Variants in EPM2A observed in about 807,000 individuals in gnomAD.
EPM2A encodes the protein laforin.
EPM2A carries 21 observed loss-of-function variants against 26.5 expected under a neutral mutation model. That is an observed-to-expected ratio of 0.79 (90% CI 0.56 to 1.14). EPM2A has a LOEUF of 1.14. Ranked by LOEUF, EPM2A falls within the 50% of genes most tolerant of loss-of-function variation. EPM2A has a pLI of 0.00. For synonymous variants in EPM2A, 217 were observed against 177.6 expected, an observed-to-expected ratio of 1.22 and a Z score of -1.76; for missense variants, 458 against 440.8, an observed-to-expected ratio of 1.04 and a Z score of -0.35.
intron 2 of EPM2A, among the ~76,000 whole-genome samples, chr6:145,675,797 C>G (rs1380298353): frequency 6.6e-6 from 1 of 152,072 alleles, no homozygotes; most frequent in Non-Finnish European, 1.5e-5. Context: ...CCTTAGAGAC[C>G]TATAAAGAGA....
intron 4 of EPM2A, among the ~76,000 whole-genome samples, chr6:145,413,300 A>G (rs1778667123): frequency 6.6e-6 from 1 of 152,230 alleles, no homozygotes. Context: ...GCAAAGAGCA[A>G]GCCAGATTAT....
At chr6:145,672,009 T>C (rs985642339) in intron 2 of EPM2A, among the ~76,000 whole-genome samples, 1 of 152,202 alleles carries the variant, frequency 6.6e-6, no homozygotes, top group Non-Finnish European at 1.5e-5. Flanking sequence ...GTTATATGTG[T>C]CCTTTAATGC....
chr6:145,488,057 C>G (rs1244634392), intron 4 of EPM2A, among the ~76,000 whole-genome samples: 1 of 143,190 alleles, frequency 7.0e-6, no homozygotes, highest in Non-Finnish European at 1.5e-5. Flanking sequence ...TATTGCAGCA[C>G]CATTTATTGA....
chr6:145,668,143 AC>A (rs1779368827), intron 2 of EPM2A, among the ~76,000 whole-genome samples: 1 of 141,958 alleles, frequency 7.0e-6, no homozygotes, highest in Non-Finnish European at 1.6e-5. Context: ...GTGCACATGT[AC>A]CCTAAAACTT....
At chr6:145,561,691 A>G (rs78208731) in intron 2 of EPM2A, among the ~76,000 whole-genome samples, 4,388 of 152,268 alleles carry the variant, frequency 0.029, 95 homozygotes, top group Non-Finnish European at 0.044. Flanking sequence ...TGAATGCATG[A>G]ACTACTTCCC....
At chr6:145,643,121 T>G (rs1386092294) in intron 2 of EPM2A, among the ~76,000 whole-genome samples, 1 of 152,170 alleles carries the variant, frequency 6.6e-6, no homozygotes. Flanking sequence ...CAACAGAACT[T>G]GCACATTAAT....
At chr6:145,621,588 C>T (rs1403621721), downstream of EPM2A, among the ~76,000 whole-genome samples, 3 of 151,968 alleles carry the variant, frequency 2.0e-5, no homozygotes, top group Non-Finnish European at 4.4e-5. Context: ...TCTCCACACA[C>T]CCTTGCCAAC....
rs77547631 is a variant in EPM2A at position 145,523,433 on chromosome 6, T to C, written c.341-20858A>G. On this transcript the variant is annotated intron_variant, in intron 2 of 3. Transcript: ENST00000450221. ...TTTCCAACAGCATGTGCTCACTCCA[T>C]GTCTCTGTCATATCTTGACCATTCT... Among the ~76,000 whole-genome samples the C allele has an allele frequency of 2.0e-3, 305 of 152,342 alleles. 3 individuals carry two copies. The highest frequency in any genetic ancestry group is 7.1e-3 in the African/African-American group (297 of 41,588).
At chr6:145,424,189 CCTT>C (rs1165013288) in intron 4 of EPM2A, among the ~76,000 whole-genome samples, 2 of 152,094 alleles carry the variant, frequency 1.3e-5, no homozygotes, top group African/African-American at 4.8e-5. Context: ...ATCCTGGCAC[CCTT>C]CAACAACCCT....
intron 4 of EPM2A, among the ~76,000 whole-genome samples, chr6:145,395,010 G>A (rs1778386258): frequency 6.6e-6 from 1 of 152,152 alleles, no homozygotes; most frequent in South Asian, 2.1e-4. Flanking sequence ...AGGGACACAA[G>A]GTCTCTAAAG....
chr6:145,713,319 T>A (rs533997867), intron 1 of EPM2A, among the ~76,000 whole-genome samples: 1 of 152,324 alleles, frequency 6.6e-6, no homozygotes, highest in African/African-American at 2.4e-5. Flanking sequence ...GTGATTATTT[T>A]AAAAACCTGG....
chr6:145,539,577 C>T (rs1025182633), intron 2 of EPM2A, among the ~76,000 whole-genome samples: 6 of 152,128 alleles, frequency 3.9e-5, no homozygotes, highest in African/African-American at 1.4e-4. Flanking sequence ...TTTATAATTC[C>T]TTATGTCTTT....
chr6:145,711,605 A>G (rs1215310070), intron 1 of EPM2A, among the ~76,000 whole-genome samples: 1 of 152,180 alleles, frequency 6.6e-6, no homozygotes, highest in Non-Finnish European at 1.5e-5. Flanking sequence ...ATAAGAAATG[A>G]TGTCATGAAA....
At chr6:145,403,427 C>A (rs1383211510) in intron 4 of EPM2A, among the ~76,000 whole-genome samples, 2 of 150,356 alleles carry the variant, frequency 1.3e-5, no homozygotes, top group African/African-American at 2.5e-5. Flanking sequence ...TCTACACTAC[C>A]CTTCCAAGCC....
chr6:145,464,694 G>A (rs1449712131), intron 4 of EPM2A, among the ~76,000 whole-genome samples: 1 of 151,886 alleles, frequency 6.6e-6, no homozygotes, highest in Non-Finnish European at 1.5e-5. Context: ...TTTTCTCCCA[G>A]TCTGTCACTT....
chr6:145,664,710 A>AT (rs1779023724), intron 2 of EPM2A, among the ~76,000 whole-genome samples: 1 of 152,096 alleles, frequency 6.6e-6, no homozygotes, highest in South Asian at 2.1e-4. Context: ...CAGAATATAC[A>AT]TTTTTTTCAG....
At chr6:145,554,797 G>C (rs1467905361) in intron 2 of EPM2A, among the ~76,000 whole-genome samples, 2 of 151,962 alleles carry the variant, frequency 1.3e-5, no homozygotes, top group African/African-American at 2.4e-5. Context: ...ATATGTATTG[G>C]GGAACACATT....
intron 2 of EPM2A, chr6:145,684,767 C>A (rs187063934): frequency 1.3e-5 from 2 of 149,546 alleles, no homozygotes; most frequent in Admixed American, 1.4e-4. Flanking sequence ...AATTGCTCAT[C>A]TCCTAGTCTT....
intron 4 of EPM2A, chr6:145,489,594 C>T: frequency 9.3e-7 from 1 of 1,080,658 alleles, no homozygotes; most frequent in South Asian, 1.6e-5. Flanking sequence ...TTCAAAAACC[C>T]AACAAGTAAA....
Sources: allele counts gnomAD v4.1 joint callset (sites outside exome capture counted in the v4.1 genomes callset), GRCh38; gene constraint gnomAD v4.1.1; transcripts MANE v1.5; gene names NCBI Gene and HGNC (gene_info 2026-07-23, HGNC 2026-07-21).